The following SLC25A16 variants were observed in gnomAD, a reference collection of about 807,000 sequenced individuals.
SLC25A16 encodes mitochondrial coenzyme A transporter SLC25A16.
Under a neutral mutation model 41.5 loss-of-function variants are expected in SLC25A16, and 39 were observed. The ratio of observed to expected loss-of-function variants is 0.94; its 90% CI spans 0.73 to 1.23. The LOEUF (loss-of-function observed/expected upper bound fraction) is 1.23. Among genes scored for constraint, SLC25A16 ranks in the 50% most tolerant of loss-of-function variants. The probability of loss-of-function intolerance (pLI) is 0.00; values close to 1 mark genes in which losing one functional copy is unlikely to be tolerated. For missense variants in SLC25A16, 421 were observed against 426.9 expected, an observed-to-expected ratio of 0.99 and a Z score of 0.12; for synonymous variants, 146 against 147.8, an observed-to-expected ratio of 0.99 and a Z score of 0.09.
At chr10:68,512,638 CAAAAAAAA>C (rs1163431016) in intron 2 of SLC25A16, among the ~76,000 whole-genome samples, 1 of 17,148 alleles carries the variant, frequency 5.8e-5, no homozygotes, top group Non-Finnish European at 1.1e-4. Flanking sequence ...GACTCCGTCT[CAAAAAAAA>C]AAAAAAAAAA....
chr10:68,523,274 G>A (rs2795882), intron 1 of SLC25A16, among the ~76,000 whole-genome samples: 6,415 of 151,920 alleles, frequency 0.042, 167 homozygotes, highest in South Asian at 0.089. Context: ...TGTATTTTTT[G>A]TACAGACTGG....
chr10:68,480,031 G>A lies in SLC25A16; in HGVS notation c.*3401C>T, dbSNP rs958961679. 4.7e-5 allele frequency: 7 copies of A among 149,016 alleles called. No homozygotes were observed. Among genetic ancestry groups the A allele is most frequent in the Non-Finnish European group, 8.9e-5 (6 of 67,530 alleles). 9.2% of individuals were successfully genotyped at this position (149,016 alleles called of 1,614,324 possible). A position where few individuals can be genotyped will look rare whatever the true frequency, so the allele number is the denominator to read the frequency against. ...TCGTTAAAAAAAAAAAAAAAAGAAT[G>A]TAATGAGATATTATTAAACATATCC... On this transcript the variant is annotated 3_prime_UTR_variant, in exon 9 of 9. Coordinates refer to ENST00000609923, the MANE Select transcript of SLC25A16 (RefSeq NM_152707.4).
chr10:68,487,059 T>C (rs1366867547), intron 8 of SLC25A16, 85 bp downstream of exon 8: 3 of 980,634 alleles, frequency 3.1e-6, no homozygotes, highest in Middle Eastern at 2.3e-4. Context: ...ATACAGACTA[T>C]TGGTCAAACT....
At chr10:68,515,823 A>C (rs2053153115) in intron 2 of SLC25A16, among the ~76,000 whole-genome samples, 1 of 147,278 alleles carries the variant, frequency 6.8e-6, no homozygotes, top group Admixed American at 6.8e-5. Flanking sequence ...TAAATAAATA[A>C]ATAGTAAAAA....
intron 1 of SLC25A16, among the ~76,000 whole-genome samples, chr10:68,519,886 G>T (rs940259393): frequency 6.6e-6 from 1 of 151,174 alleles, no homozygotes; most frequent in Non-Finnish European, 1.5e-5. Context: ...CTGCACTCCA[G>T]CCTGGGCGAC....
rs912176192 is a variant in SLC25A16, at chr10:68,478,692, A to C, written c.*4740T>G. On this transcript the variant is annotated 3_prime_UTR_variant, in exon 9 of 9. Transcript: ENST00000609923. ...CTTCACCCAGCCATAAAAACTATTT[A>C]TAAGTTTTATTTTATATATATATAT... The C allele has an allele frequency of 6.6e-6, 1 of 150,846 alleles. No homozygotes were observed. Among genetic ancestry groups the C allele is most frequent in the African/African-American group, 2.4e-5 (1 of 41,258 alleles). 9.3% of individuals were successfully genotyped at this position (150,846 alleles called of 1,614,324 possible).
chr10:68,526,930 C>G (rs1032724519), intron 1 of SLC25A16, among the ~76,000 whole-genome samples: 2 of 152,174 alleles, frequency 1.3e-5, no homozygotes, highest in African/African-American at 4.8e-5. Context: ...CCCAGCATGT[C>G]TCACTAAAAC....
At chr10:68,524,860 G>C (rs1237377755) in intron 1 of SLC25A16, among the ~76,000 whole-genome samples, 2 of 151,358 alleles carry the variant, frequency 1.3e-5, no homozygotes, top group Non-Finnish European at 2.9e-5. Flanking sequence ...CTGGCCGACA[G>C]AGTGAGACTC....
intron 2 of SLC25A16, among the ~76,000 whole-genome samples, chr10:68,507,049 T>A (rs988550561): frequency 2.0e-5 from 3 of 150,830 alleles, no homozygotes; most frequent in Non-Finnish European, 2.9e-5. Context: ...AGGTCCAGGT[T>A]TGCACTAAAG....
At chr10:68,503,569 C>A (rs1054929794) in intron 4 of SLC25A16, 63 bp downstream of exon 4, 1 of 1,130,202 alleles carries the variant, frequency 8.8e-7, no homozygotes, top group Non-Finnish European at 1.3e-6. Context: ...TAATCTAAAC[C>A]AAATTAAATA....
intron 3 of SLC25A16, among the ~76,000 whole-genome samples, chr10:68,505,817 G>A (rs980187486): frequency 2.0e-5 from 3 of 152,040 alleles, no homozygotes; most frequent in Non-Finnish European, 2.9e-5. Context: ...GGTGGATCAC[G>A]CGGTCAGGAG....
chr10:68,497,764 G>A (rs1260040243), intron 4 of SLC25A16, among the ~76,000 whole-genome samples: 1 of 151,776 alleles, frequency 6.6e-6, no homozygotes, highest in East Asian at 1.9e-4. Context: ...TTACAGGTGT[G>A]CGTCAAGACA....
chr10:68,497,892 C>G (rs1474810185), intron 4 of SLC25A16, among the ~76,000 whole-genome samples: 2 of 151,858 alleles, frequency 1.3e-5, no homozygotes, highest in African/African-American at 4.8e-5. Context: ...CTAGGATTAC[C>G]CACCGTACTC....
At chr10:68,497,272 T>C (rs757408518) in intron 4 of SLC25A16, among the ~76,000 whole-genome samples, 2 of 152,144 alleles carry the variant, frequency 1.3e-5, no homozygotes, top group Non-Finnish European at 2.9e-5. Flanking sequence ...TCTAAATATA[T>C]ACTTTAGACA....
At position 68,517,404 on chromosome 10, in the gene SLC25A16, A is replaced by C. The variant is rs149141783; in HGVS notation, c.131-561T>G. The C allele has an allele frequency of 1.4e-3, 338 of 237,418 alleles. 2 individuals are homozygous for C. Among genetic ancestry groups the C allele is most frequent in the African/African-American group, 7.2e-3 (311 of 43,058 alleles). 14.7% of individuals were successfully genotyped at this position (237,418 alleles called of 1,614,324 possible). A position where few individuals can be genotyped will look rare whatever the true frequency, so the allele number is the denominator to read the frequency against. The stretch of plus-strand genomic sequence containing the variant: ...GATGAAAGTAGAATAAAGTGCATAC[A>C]TGGGCTTTAGCATAGGTCAGAGTCC... On this transcript the variant is annotated intron_variant, in intron 1 of 8. Coordinates refer to ENST00000609923, the MANE Select transcript of SLC25A16 (RefSeq NM_152707.4).
At chr10:68,503,818 T>G in intron 3 of SLC25A16, 123 bp from the exon 4 acceptor site, 1 of 682,956 alleles carries the variant, frequency 1.5e-6, no homozygotes, top group Non-Finnish European at 2.6e-6. Context: ...ATAATAAATG[T>G]GAACGAAATG....
intron 4 of SLC25A16, chr10:68,503,331 G>A: frequency 4.4e-6 from 1 of 226,114 alleles, no homozygotes; most frequent in Non-Finnish European, 8.5e-6. Flanking sequence ...TTTTCACATA[G>A]TTATAAGTTG....
At chr10:68,498,409 G>A (rs1440638783) in intron 4 of SLC25A16, among the ~76,000 whole-genome samples, 2 of 151,548 alleles carry the variant, frequency 1.3e-5, no homozygotes, top group Non-Finnish European at 2.9e-5. Context: ...TATTTGGAAG[G>A]CCAGGCGCAG....
chr10:68,495,781 C>CAAAAAAAAAAAAA (rs60845242), intron 4 of SLC25A16, among the ~76,000 whole-genome samples: 2 of 89,622 alleles, frequency 2.2e-5, no homozygotes, highest in Admixed American at 1.4e-4. Flanking sequence ...GACTATGTCT[C>CAAAAAAAAAAAAA]AAAAAAAAAA....
Sources: allele counts gnomAD v4.1 joint callset (sites outside exome capture counted in the v4.1 genomes callset), GRCh38; gene constraint gnomAD v4.1.1; transcripts MANE v1.5; gene names NCBI Gene and HGNC (gene_info 2026-07-23, HGNC 2026-07-21).